The following PLCB4 variants were observed in gnomAD, a reference collection of about 807,000 sequenced individuals.
The protein encoded by PLCB4 is 1-phosphatidylinositol 4,5-bisphosphate phosphodiesterase beta-4.
A neutral mutation model predicts 178.8 loss-of-function variants in PLCB4; 77 were observed. The observed-to-expected ratio is 0.43, with a 90% CI of 0.36 to 0.52. The LOEUF (loss-of-function observed/expected upper bound fraction) is 0.52. Among genes scored for constraint, PLCB4 ranks in the 20% least tolerant of loss-of-function variants. The probability of loss-of-function intolerance (pLI) is 0.00; values close to 1 mark genes in which losing one functional copy is unlikely to be tolerated. For missense variants in PLCB4, 1,024 were observed against 1,453.4 expected, an observed-to-expected ratio of 0.70 and a Z score of 4.80; for synonymous variants, 496 against 490.8, an observed-to-expected ratio of 1.01 and a Z score of -0.14.
intron 1 of PLCB4, among the ~76,000 whole-genome samples, chr20:9,075,254 T>C (rs2089795619): frequency 6.6e-6 from 1 of 152,156 alleles, no homozygotes; most frequent in East Asian, 1.9e-4. Flanking sequence ...ATTAAGCTGG[T>C]ACATGCTGCA....
intron 2 of PLCB4, among the ~76,000 whole-genome samples, chr20:9,147,729 A>G (rs2092623404): frequency 6.6e-6 from 1 of 152,140 alleles, no homozygotes; most frequent in African/African-American, 2.4e-5. Context: ...TCAGTTGTGC[A>G]AGCACTTTTC....
intron 3 of PLCB4, among the ~76,000 whole-genome samples, chr20:9,232,068 T>C (rs77979348): frequency 6.6e-6 from 1 of 152,128 alleles, no homozygotes; most frequent in Admixed American, 6.5e-5. Context: ...AAATGCTGGG[T>C]CATTTAATTT....
intron 3 of PLCB4, among the ~76,000 whole-genome samples, chr20:9,305,698 A>G (rs897147708): frequency 2.0e-5 from 3 of 152,140 alleles, no homozygotes; most frequent in African/African-American, 7.2e-5. Flanking sequence ...AGATTACTAA[A>G]TCTTTCTGAT....
intron 27 of PLCB4, 136 bp from the exon 28 acceptor site, chr20:9,423,612 A>G (rs1185438558): frequency 1.5e-6 from 1 of 669,234 alleles, no homozygotes; most frequent in East Asian, 2.7e-5. Context: ...ATTTTGGGGA[A>G]TGCAGATGGA....
At chr20:9,189,579 G>A (rs2093373083) in intron 2 of PLCB4, among the ~76,000 whole-genome samples, 1 of 152,198 alleles carries the variant, frequency 6.6e-6, no homozygotes. Flanking sequence ...CCCACTAGAT[G>A]CCAGGAGCAT....
At chr20:9,385,134 T>C (rs1247293111) in intron 14 of PLCB4, among the ~76,000 whole-genome samples, 3 of 152,232 alleles carry the variant, frequency 2.0e-5, no homozygotes, top group Admixed American at 6.5e-5. Flanking sequence ...GGTAAGATTA[T>C]AGATTAACAG....
At chr20:9,142,328 A>T (rs139726696) in intron 2 of PLCB4, among the ~76,000 whole-genome samples, 1 of 152,240 alleles carries the variant, frequency 6.6e-6, no homozygotes, top group African/African-American at 2.4e-5. Flanking sequence ...AATCTGGGAA[A>T]ATTATTTCCA....
At chr20:9,337,597 T>C (rs1172037885) in intron 5 of PLCB4, among the ~76,000 whole-genome samples, 1 of 152,182 alleles carries the variant, frequency 6.6e-6, no homozygotes, top group Non-Finnish European at 1.5e-5. Context: ...CTTAATTCGA[T>C]GTATGGTACA....
intron 27 of PLCB4, among the ~76,000 whole-genome samples, chr20:9,423,177 T>C (rs1464874006): frequency 6.6e-6 from 1 of 152,196 alleles, no homozygotes; most frequent in Non-Finnish European, 1.5e-5. Flanking sequence ...CATCCCAACA[T>C]TTGCTGGAAA....
chr20:9,374,668 C>T (rs867279748), intron 12 of PLCB4, among the ~76,000 whole-genome samples: 4 of 152,142 alleles, frequency 2.6e-5, no homozygotes, highest in Non-Finnish European at 5.9e-5. Flanking sequence ...TACTGCATTT[C>T]ACTGTTAAAG....
chr20:9,245,777 G>A (rs1190768540), intron 3 of PLCB4, among the ~76,000 whole-genome samples: 1 of 151,456 alleles, frequency 6.6e-6, no homozygotes, highest in Non-Finnish European at 1.5e-5. Flanking sequence ...TGGGACTCCA[G>A]GCACATGCCA....
intron 25 of PLCB4, among the ~76,000 whole-genome samples, chr20:9,413,975 C>A (rs761004): frequency 0.11 from 16,289 of 152,174 alleles, 1,158 homozygotes; most frequent in East Asian, 0.24. Context: ...TGGTCTCGAA[C>A]TCTTGAGCTC....
rs1426082103 is a variant in PLCB4 at position 9,459,647 on chromosome 20, G to A, written c.3085G>A (p.Val1029Ile). The A allele has an allele frequency of 2.5e-6, 4 of 1,606,188 alleles. No individual in the cohort carries two copies. The highest frequency in any genetic ancestry group is 3.4e-6 in the Non-Finnish European group (4 of 1,173,600). ...TTTTCCCAAACAGGTCAAAGAGATT[G>A]TAGCACAGCACACAAAGGAATGGTC... ...SDHKSKVKEI[V>I]AQHTKEWSEM... is the part of the protein sequence containing the mutation. Residue 1029 changes from valine to isoleucine, a missense_variant, in exon 35 of 40, where the codon GTA becomes ATA. Physicochemically the swap from Val to Ile is conservative, Grantham distance 29. Transcript: ENST00000378473.
intron 28 of PLCB4, among the ~76,000 whole-genome samples, chr20:9,430,573 G>A (rs566576556): frequency 6.6e-6 from 1 of 152,256 alleles, no homozygotes; most frequent in African/African-American, 2.4e-5. Context: ...TGTTAATATT[G>A]GTAATTCAAG....
intron 2 of PLCB4, among the ~76,000 whole-genome samples, chr20:9,112,956 GC>G (rs2091636009): frequency 6.6e-6 from 1 of 152,036 alleles, no homozygotes; most frequent in Non-Finnish European, 1.5e-5. Flanking sequence ...AGCAGGCCTT[GC>G]TGAAGGAACT....
intron 2 of PLCB4, chr20:9,166,488 G>C (rs966273396): frequency 2.6e-5 from 4 of 152,206 alleles, no homozygotes; most frequent in Non-Finnish European, 5.9e-5. Flanking sequence ...TGTAGCGGAG[G>C]GGTGGGACTC....
At chr20:9,090,534 G>A (rs1246046838) in intron 1 of PLCB4, among the ~76,000 whole-genome samples, 6 of 149,508 alleles carry the variant, frequency 4.0e-5, no homozygotes, top group African/African-American at 1.5e-4. Flanking sequence ...TTTTCAAATG[G>A]GTATTAGATA....
In PLCB4 at chr20:9,235,734, G is replaced by T. The variant is rs151120421; in HGVS notation, c.-16+18282G>T. On this transcript the variant is annotated intron_variant, in intron 3 of 39. Coordinates refer to ENST00000378473, the MANE Select transcript of PLCB4 (RefSeq NM_001377142.1). The stretch of plus-strand genomic sequence containing the variant: ...TTACATCAGGAAGTGAGTAAGAAAT[G>T]CTTGGGCAAGACACACTTCATGAAC... Among the ~76,000 whole-genome samples the T allele has an allele frequency of 5.5e-3, 832 of 152,324 alleles. 4 individuals are homozygous for T. The highest frequency in any genetic ancestry group is 6.1e-3 in the Non-Finnish European group (413 of 68,020).
chr20:9,272,189 C>CTAA (rs2094410078), intron 3 of PLCB4, among the ~76,000 whole-genome samples: 1 of 141,546 alleles, frequency 7.1e-6, no homozygotes, highest in African/African-American at 2.6e-5. Flanking sequence ...GCACCCCCCT[C>CTAA]AAAAAAAAAA....
Sources: allele counts gnomAD v4.1 joint callset (sites outside exome capture counted in the v4.1 genomes callset), GRCh38; gene constraint gnomAD v4.1.1; transcripts MANE v1.5; gene names NCBI Gene and HGNC (gene_info 2026-07-23, HGNC 2026-07-21).